The following ATP13A3 variants were observed in gnomAD, a reference collection of about 807,000 sequenced individuals.
The protein encoded by ATP13A3 is ATPase 13A3.
A neutral mutation model predicts 158.1 loss-of-function variants in ATP13A3; 59 were observed. That is an observed-to-expected ratio of 0.37 (90% CI 0.30 to 0.46). The LOEUF is 0.46. ATP13A3 is among the 20% of genes least tolerant of loss of function. The pLI, the probability that ATP13A3 is intolerant of heterozygous loss-of-function variation, is 1.00. For missense variants in ATP13A3, 1,166 were observed against 1,525.2 expected (o/e 0.76, Z 3.92); for synonymous variants, 491 against 504.3 (o/e 0.97, Z 0.35).
intron 2 of ATP13A3, among the ~76,000 whole-genome samples, chr3:194,474,804 T>C (rs1466282569): frequency 1.3e-5 from 2 of 152,196 alleles, no homozygotes; most frequent in African/African-American, 4.8e-5. Context: ...AGATACAACC[T>C]TACAGCTGCT....
intron 2 of ATP13A3, among the ~76,000 whole-genome samples, chr3:194,471,324 TA>T (rs59967046): frequency 0.05 from 4,399 of 88,070 alleles, 270 homozygotes; most frequent in East Asian, 0.38. Flanking sequence ...CAGCAAATTC[TA>T]AAAAAAAAAA....
At chr3:194,486,066 G>A (rs553763937) in intron 1 of ATP13A3, among the ~76,000 whole-genome samples, 31 of 152,284 alleles carry the variant, frequency 2.0e-4, no homozygotes, top group South Asian at 2.1e-4. Context: ...TAGGGCAAAG[G>A]GCCCTGGGTT....
chr3:194,483,271 G>A (rs149352391), intron 2 of ATP13A3, among the ~76,000 whole-genome samples: 91 of 149,188 alleles, frequency 6.1e-4, no homozygotes, highest in African/African-American at 2.0e-3. Context: ...GTGAGAGAGC[G>A]AGACTCTTTC....
chr3:194,440,445 T>C (rs908208491), intron 16 of ATP13A3, among the ~76,000 whole-genome samples: 5 of 152,160 alleles, frequency 3.3e-5, no homozygotes, highest in African/African-American at 1.2e-4. Flanking sequence ...ACTCTGAAAC[T>C]ATTCCTTTGA....
chr3:194,406,178 A>G, intron 33 of ATP13A3, 62 bp from the exon 34 acceptor site: 2 of 1,556,648 alleles, frequency 1.3e-6, no homozygotes, highest in Non-Finnish European at 1.8e-6. Context: ...TGTCGTTTTA[A>G]ACAGGTTTGT....
chr3:194,487,253 A>T (rs1341443900), upstream of ATP13A3, among the ~76,000 whole-genome samples: 1 of 152,158 alleles, frequency 6.6e-6, no homozygotes, highest in Non-Finnish European at 1.5e-5. Context: ...TGGTGGGATG[A>T]AATGGAACGG....
At chr3:194,434,260 A>G (rs544164137) in intron 20 of ATP13A3, among the ~76,000 whole-genome samples, 5 of 152,250 alleles carry the variant, frequency 3.3e-5, no homozygotes, top group African/African-American at 4.8e-5. Flanking sequence ...AGCACATTCA[A>G]TACAGTTTTC....
rs528253405 is a variant in ATP13A3 at position 194,460,073 on chromosome 3, CTAAT to C, written c.226-106_226-103del. 113 of 953,618 alleles carry C rather than the reference CTAAT, an allele frequency of 1.2e-4. No individual in the cohort carries two copies. In the African/African-American group the frequency reaches 1.4e-3, roughly 12 times the overall value. The allele number at this position is 953,618 out of a possible 1,614,324, so 59.1% of individuals were successfully genotyped here. ...TTTACAAGACATTATTTCCTCATCTCTAATTGAGGAAACATCACGCCTACTCACT... is the reference window on the plus strand; with the variant it reads ...TTTACAAGACATTATTTCCTCATCTCTGAGGAAACATCACGCCTACTCACT... On this transcript the variant is annotated intron_variant, in intron 4 of 33. Coordinates refer to ENST00000645319, the MANE Select transcript of ATP13A3 (RefSeq NM_001367549.1).
intron 14 of ATP13A3, among the ~76,000 whole-genome samples, chr3:194,445,527 T>C (rs1253059452): frequency 6.6e-6 from 1 of 152,230 alleles, no homozygotes; most frequent in Non-Finnish European, 1.5e-5. Flanking sequence ...AATGTGTTGA[T>C]AACTGATAAA....
chr3:194,470,689 T>C (rs1487204322), intron 2 of ATP13A3, among the ~76,000 whole-genome samples: 1 of 152,250 alleles, frequency 6.6e-6, no homozygotes, highest in Admixed American at 6.5e-5. Context: ...TTATTCAAGC[T>C]ACTATGTTCT....
Position 194,404,952 on chromosome 3 carries a change from CAAAAAATTTTATGAGGTAAAATT to C in ATP13A3, c.*944_*966del, listed in dbSNP as rs1714835480. 6.6e-6 allele frequency: 1 copy of C among 151,978 alleles called. No individual in the cohort carries two copies. The highest frequency in any genetic ancestry group is 2.4e-5 in the African/African-American group (1 of 41,382). 9.4% of individuals were successfully genotyped at this position (151,978 alleles called of 1,614,324 possible). ...TAAGACAGAGACATACATCAAACCT[CAAAAAATTTTATGAGGTAAAATT>C]CTAACTTAAAAAAAACTATTATCCT... On this transcript the variant is annotated 3_prime_UTR_variant, in exon 34 of 34. Transcript: ENST00000645319.
rs75282322 is a variant in ATP13A3, at chr3:194,486,554, C to A, written c.-89+12G>T. Reference sequence around the variant, plus strand: ...CCGGCGCCGCTGCCCACCCGCCCCTCGCCCCGCTCACCGGGGCCGCTCACT... The same window carrying A: ...CCGGCGCCGCTGCCCACCCGCCCCTAGCCCCGCTCACCGGGGCCGCTCACT... On this transcript the variant is annotated intron_variant, in intron 1 of 33. Coordinates refer to ENST00000645319, the MANE Select transcript of ATP13A3 (RefSeq NM_001367549.1). The A allele has an allele frequency of 0.11, 16,160 of 151,762 alleles. 1,453 individuals are homozygous for A. The highest frequency in any genetic ancestry group is 0.24 in the African/African-American group (9,839 of 41,224). The allele number at this position is 151,762 out of a possible 1,614,324, so 9.4% of individuals were successfully genotyped here.
chr3:194,403,557 G>A lies in ATP13A3; in HGVS notation c.*2362C>T, dbSNP rs1421476074. The A allele has an allele frequency of 6.6e-6, 1 of 152,118 alleles. No individual in the cohort carries two copies. Among genetic ancestry groups the A allele is most frequent in the Non-Finnish European group, 1.5e-5 (1 of 68,024 alleles). 9.4% of individuals were successfully genotyped at this position (152,118 alleles called of 1,614,324 possible). On this transcript the variant is annotated 3_prime_UTR_variant, in exon 34 of 34. Coordinates refer to ENST00000645319, the MANE Select transcript of ATP13A3 (RefSeq NM_001367549.1). ...AGACATTTCTGTCCTTTAAGTATGT[G>A]CATAAATAAAATTTAAATCAGCAAT...
In ATP13A3 at chr3:194,454,410, A is replaced by G. The variant is rs1719046675; in HGVS notation, c.631-18T>C. On this transcript the variant is annotated intron_variant, in intron 8 of 33. Coordinates refer to ENST00000645319, the MANE Select transcript of ATP13A3 (RefSeq NM_001367549.1). ...TTGAGAACCTAAAAAACAAGATTTTAAAGTCAAACTGAATGAGGTATTAAT... is the reference window on the plus strand; with the variant it reads ...TTGAGAACCTAAAAAACAAGATTTTGAAGTCAAACTGAATGAGGTATTAAT... The G allele has an allele frequency of 6.3e-7, 1 of 1,599,936 alleles. No homozygotes were observed.
At chr3:194,451,831 C>T (rs1211635576) in intron 10 of ATP13A3, 2 of 152,480 alleles carry the variant, frequency 1.3e-5, no homozygotes, top group Non-Finnish European at 2.9e-5. Context: ...GCACCAACAT[C>T]CATCCACCTA....
rs201024774 is a variant in ATP13A3 at position 194,444,708 on chromosome 3, G to A, written c.1559+17C>T. The A allele has an allele frequency of 3.0e-4, 462 of 1,563,328 alleles. 1 individual carries two copies. The African/African-American group carries it at 6.0e-3, about 20-fold the overall frequency. ...TAAAAATAAACTAATAAACTATCAA[G>A]TCTAACTAATATTTACCGTGCATTT... On this transcript the variant is annotated intron_variant, in intron 15 of 33. Transcript: ENST00000645319.
At chr3:194,461,655 T>C (rs1719670793) in intron 3 of ATP13A3, among the ~76,000 whole-genome samples, 1 of 152,208 alleles carries the variant, frequency 6.6e-6, no homozygotes, top group African/African-American at 2.4e-5. Context: ...CATGCAACAT[T>C]TGGACATATT....
chr3:194,457,785 CTT>C (rs147162535), intron 6 of ATP13A3, among the ~76,000 whole-genome samples: 19 of 127,866 alleles, frequency 1.5e-4, no homozygotes, highest in Non-Finnish European at 1.7e-4. Flanking sequence ...CTTAATTATG[CTT>C]TTTTTTTTTT....
intron 2 of ATP13A3, among the ~76,000 whole-genome samples, chr3:194,468,908 T>C (rs192729689): frequency 6.6e-6 from 1 of 152,008 alleles, no homozygotes; most frequent in African/African-American, 2.4e-5. Flanking sequence ...CCGAGGCGGG[T>C]GGAATGCCTG....
Sources: allele counts gnomAD v4.1 joint callset (sites outside exome capture counted in the v4.1 genomes callset), GRCh38; gene constraint gnomAD v4.1.1; transcripts MANE v1.5; gene names NCBI Gene and HGNC (gene_info 2026-07-23, HGNC 2026-07-21).